The following SFI1 variants were observed in gnomAD, a reference collection of about 807,000 sequenced individuals.
SFI1 encodes the protein SFI1 centrin binding protein.
In SFI1, 195 loss-of-function variants were observed where a neutral mutation model predicts 207.5. The ratio of observed to expected loss-of-function variants is 0.94; its 90% CI spans 0.84 to 1.06. SFI1 has a LOEUF of 1.06. Ranked by LOEUF, SFI1 falls within the 50% of genes least tolerant of loss-of-function variation. SFI1 has a pLI of 0.00. For synonymous variants in SFI1, 630 were observed against 598.9 expected, an observed-to-expected ratio of 1.05 and a Z score of -0.76; for missense variants, 1,634 against 1,588.0, an observed-to-expected ratio of 1.03 and a Z score of -0.49.
At chr22:31,541,457 C>T (rs1396529212) in intron 4 of SFI1, among the ~76,000 whole-genome samples, 3 of 152,060 alleles carry the variant, frequency 2.0e-5, no homozygotes, top group Non-Finnish European at 4.4e-5. Flanking sequence ...CTTTTTATTA[C>T]AATTTTTTAG....
intron 4 of SFI1, among the ~76,000 whole-genome samples, chr22:31,539,264 G>A (rs893200394): frequency 2.0e-5 from 3 of 152,110 alleles, no homozygotes; most frequent in Non-Finnish European, 2.9e-5. Flanking sequence ...CCCCTAGTCA[G>A]TATCTTCTCA....
chr22:31,511,235 A>G (rs1414386850), intron 2 of SFI1, among the ~76,000 whole-genome samples: 2 of 152,098 alleles, frequency 1.3e-5, no homozygotes, highest in East Asian at 1.9e-4. Flanking sequence ...AGTGTAATCA[A>G]CTAGGACTTG....
rs779587435 is a variant in SFI1, at chr22:31,561,391, A to C, written c.764A>C (p.Gln255Pro). 9.9e-6 allele frequency: 16 copies of C among 1,612,556 alleles called. No individual in the cohort carries two copies. The African/African-American group carries it at 1.5e-4, about 15-fold the overall frequency. Reference sequence around the variant, plus strand: ...CACAGGGCCCTGAGCCTCCAGGTGCAGGTGAGTCCAGCAGACGTGGGATTT... The same window carrying C: ...CACAGGGCCCTGAGCCTCCAGGTGCCGGTGAGTCCAGCAGACGTGGGATTT... Reference protein sequence around the residue: ...LKHRALSLQVQAWSQWREQLL... With the variant: ...LKHRALSLQVPAWSQWREQLL... Residue 255 changes from glutamine (Q) to proline (P), a missense_variant and splice_region_variant, in exon 8 of 33, where the codon CAG becomes CCG. Physicochemically the swap from Gln to Pro is moderately conservative, Grantham distance 76 (BLOSUM62 -1). Transcript: ENST00000400288.
rs1293077499 is a variant in SFI1 at position 31,553,867 on chromosome 22, T to TTTC, written c.545-3074_545-3073insTCT. Among the ~76,000 whole-genome samples, 146 of 116,194 alleles carry TTTC rather than the reference T, an allele frequency of 1.3e-3. 2 individuals carry two copies. The highest frequency in any genetic ancestry group is 2.0e-3 in the Non-Finnish European group (116 of 57,146). 76.2% of individuals were successfully genotyped at this position (116,194 alleles called of 152,430 possible). ...TTTTTTTTTTTTTTTTTTTTTTTTTTTGCGAGAGTCCCACTGTTGCCCAGG... is the reference window on the plus strand; with the variant it reads ...TTTTTTTTTTTTTTTTTTTTTTTTTTTTCTGCGAGAGTCCCACTGTTGCCCAGG... On this transcript the variant is annotated intron_variant, in intron 6 of 32. Transcript: ENST00000400288.
chr22:31,575,462 CG>C lies in SFI1; in HGVS notation c.1084+71del, dbSNP rs2063382919. ...AGCATGAGCTCAGCAGCATGTGAAA[CG>C]AAAGTCATGAGATACATGGGAAACA... On this transcript the variant is annotated intron_variant, in intron 10 of 32. Coordinates refer to ENST00000400288, the MANE Select transcript of SFI1 (RefSeq NM_001007467.3). 22 of 1,414,064 alleles carry C rather than the reference CG, an allele frequency of 1.6e-5. 1 individual carries two copies. The Middle Eastern group carries it at 7.9e-4, about 51-fold the overall frequency. 87.6% of individuals were successfully genotyped at this position (1,414,064 alleles called of 1,614,324 possible).
intron 15 of SFI1, among the ~76,000 whole-genome samples, chr22:31,599,073 T>A (rs2067681726): frequency 6.6e-6 from 1 of 151,786 alleles, no homozygotes; most frequent in Admixed American, 6.6e-5. Context: ...ATTACAGGTG[T>A]GAGCCACCGC....
At chr22:31,618,090 G>T (rs577029537) in intron 31 of SFI1, 25 bp from the exon 32 acceptor site, 540 of 1,551,992 alleles carry the variant, frequency 3.5e-4, no homozygotes, top group Non-Finnish European at 4.1e-4. Flanking sequence ...CAGCCTGGCA[G>T]GCAGTGGGTA....
intron 11 of SFI1, among the ~76,000 whole-genome samples, chr22:31,578,760 A>G (rs1053558964): frequency 2.6e-5 from 4 of 152,166 alleles, no homozygotes; most frequent in Non-Finnish European, 5.9e-5. Flanking sequence ...CAAAGTAGCC[A>G]TGCTGTGGTT....
chr22:31,604,822 G>A (rs2068697585), intron 19 of SFI1, 47 bp from the exon 20 acceptor site: 1 of 1,556,984 alleles, frequency 6.4e-7, no homozygotes, highest in Non-Finnish European at 8.8e-7. Context: ...CTAAACAGGG[G>A]GAAGTGTGGG....
intron 15 of SFI1, among the ~76,000 whole-genome samples, chr22:31,591,445 C>T (rs976913621): frequency 6.6e-6 from 1 of 152,334 alleles, no homozygotes; most frequent in African/African-American, 2.4e-5. Context: ...CACAAAGCCG[C>T]CATTGTCATC....
chr22:31,575,411 A>G lies in SFI1; in HGVS notation c.1084+19A>G. On this transcript the variant is annotated intron_variant, in intron 10 of 32. Transcript: ENST00000400288. ...AAACACTGTATCCTTTCAGATACTC[A>G]GGCTGTCCATTGCCTCAGCCAGGAC... 3 of 1,571,318 alleles carry G rather than the reference A, an allele frequency of 1.9e-6. No individual in the cohort carries two copies. The highest frequency in any genetic ancestry group is 1.2e-5 in the South Asian group (1 of 84,188).
At chr22:31,559,677 G>C (rs568867273) in intron 7 of SFI1, 4 of 765,818 alleles carry the variant, frequency 5.2e-6, no homozygotes. Context: ...GAGATGGAAC[G>C]TGTGATGACC....
chr22:31,530,256 C>T lies in SFI1; in HGVS notation c.267-802C>T, dbSNP rs541599769. Among the ~76,000 whole-genome samples the T allele has an allele frequency of 4.0e-3, 572 of 141,648 alleles. 3 individuals are homozygous for T. The highest frequency in any genetic ancestry group is 0.013 in the African/African-American group (507 of 37,722). 92.9% of individuals were successfully genotyped at this position (141,648 alleles called of 152,430 possible). ...CTGTAATCCCAGCACTTTGGGAGGC[C>T]GAGGCGGGTGGATCATGAGGTCAGG... is the stretch of plus-strand genomic sequence containing the variant. On this transcript the variant is annotated intron_variant, in intron 3 of 32. Transcript: ENST00000400288.
intron 2 of SFI1, among the ~76,000 whole-genome samples, chr22:31,517,098 T>C (rs576457027): frequency 6.6e-6 from 1 of 151,458 alleles, no homozygotes; most frequent in Non-Finnish European, 1.5e-5. Flanking sequence ...GGTGCCACTA[T>C]ACTCCAGCCT....
intron 2 of SFI1, among the ~76,000 whole-genome samples, chr22:31,514,279 T>C (rs111623439): frequency 0.012 from 1,841 of 151,242 alleles, 43 homozygotes; most frequent in African/African-American, 0.043. Context: ...GCCAAGGCAG[T>C]CGGATCATGA....
chr22:31,609,752 A>G (rs936844656), intron 22 of SFI1, among the ~76,000 whole-genome samples: 2 of 152,244 alleles, frequency 1.3e-5, no homozygotes. Context: ...AGAAACCAGC[A>G]CTGTGTTTCT....
chr22:31,505,084 CTA>C lies in SFI1; in HGVS notation c.-30-3169_-30-3168del, dbSNP rs1429243607. On this transcript the variant is annotated intron_variant, in intron 1 of 32. Transcript: ENST00000400288. ...GTAATAATAATAATAATTTAAAAAA[CTA>C]TGCCATAATTTATTCAGTTCCTAAT... is the stretch of plus-strand genomic sequence containing the variant. Among the ~76,000 whole-genome samples, 4 of 152,172 alleles carry C rather than the reference CTA, an allele frequency of 2.6e-5. No homozygotes were observed. The East Asian group carries it at 7.7e-4, about 29-fold the overall frequency.
intron 2 of SFI1, among the ~76,000 whole-genome samples, chr22:31,514,435 G>A (rs973398983): frequency 1.1e-4 from 16 of 149,120 alleles, no homozygotes; most frequent in African/African-American, 3.7e-4. Flanking sequence ...GTGGACCTAG[G>A]AGGTGGAGCT....
chr22:31,516,829 C>T (rs2146943487), intron 2 of SFI1, among the ~76,000 whole-genome samples: 1 of 152,236 alleles, frequency 6.6e-6, no homozygotes, highest in South Asian at 2.1e-4. Flanking sequence ...TGGCACATGC[C>T]TGTAATCCCA....
Sources: allele counts gnomAD v4.1 joint callset (sites outside exome capture counted in the v4.1 genomes callset), GRCh38; gene constraint gnomAD v4.1.1; transcripts MANE v1.5; gene names NCBI Gene and HGNC (gene_info 2026-07-23, HGNC 2026-07-21).